Variants in DST observed in about 807,000 individuals in gnomAD.
DST encodes the protein bullous pemphigoid antigen.
A neutral mutation model predicts 875.2 loss-of-function variants in DST; 253 were observed. The ratio of observed to expected loss-of-function variants is 0.29; its 90% CI spans 0.26 to 0.32. The LOEUF (loss-of-function observed/expected upper bound fraction) is 0.32, where lower values mean the gene tolerates loss of function less well. Ranked by LOEUF, DST falls within the 10% of genes least tolerant of loss-of-function variation. The pLI, the probability that DST is intolerant of heterozygous loss-of-function variation, is 1.00. For synonymous variants in DST, 3,124 were observed against 3,197.1 expected (o/e 0.98, Z 0.77); for missense variants, 8,287 against 9,111.6 (o/e 0.91, Z 3.68).
At chr6:56,464,638 G>T (rs1032962729) in intron 100 of DST, 47 bp downstream of exon 100, 1 of 1,330,882 alleles carries the variant, frequency 7.5e-7, no homozygotes, top group Non-Finnish European at 1.1e-6. Context: ...GGAAAAGTAG[G>T]AAAGAGAAAA....
intron 5 of DST, among the ~76,000 whole-genome samples, chr6:56,733,579 TCA>T (rs2152927801): frequency 6.6e-6 from 1 of 152,282 alleles, no homozygotes; most frequent in Admixed American, 6.5e-5. Flanking sequence ...GAGATTAAGT[TCA>T]CACAAATAAT....
intron 5 of DST, among the ~76,000 whole-genome samples, chr6:56,724,954 T>C (rs914498547): frequency 6.6e-6 from 1 of 150,960 alleles, no homozygotes; most frequent in Non-Finnish European, 1.5e-5. Context: ...TATAAAGATA[T>C]ATAACAGGCT....
At chr6:56,624,131 A>G (rs2098713650) in intron 36 of DST, among the ~76,000 whole-genome samples, 1 of 152,106 alleles carries the variant, frequency 6.6e-6, no homozygotes, top group South Asian at 2.1e-4. Flanking sequence ...CATAAGACAA[A>G]TGTGTTCGTG....
At chr6:56,786,118 A>C (rs940232859) in intron 4 of DST, among the ~76,000 whole-genome samples, 2 of 152,132 alleles carry the variant, frequency 1.3e-5, no homozygotes, top group African/African-American at 4.8e-5. Flanking sequence ...GCATGCACAT[A>C]TGTGCACGTG....
chr6:56,866,349 T>C (rs1279456483), intron 3 of DST, among the ~76,000 whole-genome samples: 1 of 152,184 alleles, frequency 6.6e-6, no homozygotes, highest in African/African-American at 2.4e-5. Flanking sequence ...CCTGAACAAT[T>C]ATTGGAAAAT....
At chr6:56,863,146 T>G (rs75865373) in intron 3 of DST, 1 of 152,192 alleles carries the variant, frequency 6.6e-6, no homozygotes, top group Admixed American at 6.6e-5. Flanking sequence ...ATCAGCATCA[T>G]GCAAGGGACT....
chr6:56,929,749 A>C (rs1679103301), intron 2 of DST, among the ~76,000 whole-genome samples: 1 of 152,218 alleles, frequency 6.6e-6, no homozygotes, highest in Non-Finnish European at 1.5e-5. Context: ...CTTTAATTCT[A>C]TACAAAACAT....
At chr6:56,891,669 G>C (rs1260354801) in intron 3 of DST, among the ~76,000 whole-genome samples, 1 of 151,936 alleles carries the variant, frequency 6.6e-6, no homozygotes, top group Non-Finnish European at 1.5e-5. Context: ...AAGAGGTTGA[G>C]GCTGCAGTGA....
At chr6:56,542,213 A>AT (rs2097138810) in intron 61 of DST, among the ~76,000 whole-genome samples, 1 of 151,108 alleles carries the variant, frequency 6.6e-6, no homozygotes, top group Non-Finnish European at 1.5e-5. Flanking sequence ...AGAAAGTTAC[A>AT]TTTTTCTTTT....
intron 4 of DST, among the ~76,000 whole-genome samples, chr6:56,835,089 G>A (rs1034790905): frequency 6.6e-6 from 1 of 152,210 alleles, no homozygotes; most frequent in Non-Finnish European, 1.5e-5. Flanking sequence ...AAGCTAGTCA[G>A]AAAAGTCTAT....
chr6:56,729,010 ACAC>A (rs1252528391), intron 5 of DST, among the ~76,000 whole-genome samples: 3 of 149,758 alleles, frequency 2.0e-5, no homozygotes, highest in Non-Finnish European at 4.4e-5. Context: ...ACACACACAC[ACAC>A]GACTGGGGAA....
At chr6:56,636,098 G>A (rs1587377828) in intron 23 of DST, among the ~76,000 whole-genome samples, 1 of 152,012 alleles carries the variant, frequency 6.6e-6, no homozygotes, top group East Asian at 1.9e-4. Flanking sequence ...TCCTAAATAA[G>A]AGACACATTT....
chr6:56,685,519 C>T (rs2099179184), intron 9 of DST, among the ~76,000 whole-genome samples: 1 of 152,126 alleles, frequency 6.6e-6, no homozygotes, highest in Non-Finnish European at 1.5e-5. Context: ...TGCCTGTAAT[C>T]CCAGCACTTA....
rs987371438 is a variant in DST, at chr6:56,847,828, C to T, written c.625+3569G>A. On this transcript the variant is annotated intron_variant, in intron 4 of 103. Transcript: ENST00000680361. ...TAATTACCGCGTTGTAACTGTTTAA[C>T]AACACATCCATTTATCATATTAGAC... Among the ~76,000 whole-genome samples, 5 of 152,216 alleles carry T rather than the reference C, an allele frequency of 3.3e-5. 1 individual carries two copies. In the South Asian group the frequency reaches 8.3e-4, roughly 25 times the overall value.
At chr6:56,515,344 T>C (rs2152485814) in intron 72 of DST, 106 bp downstream of exon 72, 1 of 1,277,638 alleles carries the variant, frequency 7.8e-7, no homozygotes, top group Non-Finnish European at 1.1e-6. Context: ...CACGGTATTC[T>C]AAAATGCCTT....
At position 56,824,449 on chromosome 6, in the gene DST, G is replaced by A. The variant is rs113056785; in HGVS notation, c.625+26948C>T. Among the ~76,000 whole-genome samples, 362 of 152,054 alleles carry A rather than the reference G, an allele frequency of 2.4e-3. 3 individuals carry two copies. The highest frequency in any genetic ancestry group is 8.2e-3 in the African/African-American group (341 of 41,492). On this transcript the variant is annotated intron_variant, in intron 4 of 103. Coordinates refer to ENST00000680361, the MANE Select transcript of DST (RefSeq NM_001374736.1). ...CCACCCCGTCTGGGAAGTGAGGAGC[G>A]TCTCTGCCTGGCTGCCCATCGTCTG...
chr6:56,943,789 G>C (rs1034562049), intron 2 of DST, among the ~76,000 whole-genome samples: 1 of 151,818 alleles, frequency 6.6e-6, no homozygotes, highest in African/African-American at 2.4e-5. Context: ...TAAACACAGG[G>C]TAAGACATAA....
rs754753241 is a variant in DST at position 56,517,487 on chromosome 6, A to G, written c.18249+14T>C. On this transcript the variant is annotated intron_variant, in intron 70 of 103. Transcript: ENST00000680361. ...CAAATAATTCATATGGCAATTGGAA[A>G]TGTATTTCTTCACCTTTTGAACTTG... 1 of 1,610,456 alleles carries G rather than the reference A, an allele frequency of 6.2e-7. No homozygotes were observed.
At chr6:56,534,290 G>C (rs984386371) in intron 63 of DST, among the ~76,000 whole-genome samples, 1 of 151,986 alleles carries the variant, frequency 6.6e-6, no homozygotes, top group African/African-American at 2.4e-5. Context: ...AGTTCCAGAG[G>C]GGAGAAACCT....
Sources: gnomAD v4.1 joint callset for allele counts (sites outside exome capture counted in the v4.1 genomes callset) on GRCh38, gnomAD v4.1.1 for gene constraint, MANE v1.5 for transcripts, NCBI Gene and HGNC (gene_info 2026-07-23, HGNC 2026-07-21) for gene names.